The following AGFG2 variants were observed in gnomAD, a reference collection of about 807,000 sequenced individuals.
AGFG2 encodes ArfGAP with FG repeats 2.
AGFG2 carries 31 observed loss-of-function variants against 48.0 expected under a neutral mutation model. That is an observed-to-expected ratio of 0.65 (90% confidence interval 0.49 to 0.87). The LOEUF is 0.87. Among genes scored for constraint, AGFG2 ranks in the 40% least tolerant of loss-of-function variants. The probability of loss-of-function intolerance (pLI) is 0.00; values close to 1 mark genes in which losing one functional copy is unlikely to be tolerated. For synonymous variants in AGFG2, 229 were observed against 260.8 expected (o/e 0.88, Z 1.18); for missense variants, 599 against 632.6 (o/e 0.95, Z 0.57).
rs1266028993 is a variant in AGFG2 at position 100,553,329 on chromosome 7, A to G, written c.432-18A>G. 2.5e-6 allele frequency: 4 copies of G among 1,614,028 alleles called. No individual in the cohort carries two copies. The Admixed American group carries it at 5.0e-5, about 20-fold the overall frequency. ...AGTTTTATCCCTCTCTTTACAGCCT[A>G]ACTATTCTTTCTCAAAGGTATGTCC... is the stretch of plus-strand genomic sequence containing the variant. On this transcript the variant is annotated intron_variant, in intron 3 of 11. Transcript: ENST00000300176.
intron 1 of AGFG2, among the ~76,000 whole-genome samples, chr7:100,542,162 C>G (rs541571191): frequency 5.9e-5 from 9 of 152,086 alleles, no homozygotes; most frequent in Non-Finnish European, 1.2e-4. Flanking sequence ...ACTACAGGCA[C>G]GCGCTACCAC....
chr7:100,556,261 GTGAT>G (rs1175464983), intron 6 of AGFG2: 3 of 195,108 alleles, frequency 1.5e-5, no homozygotes, highest in African/African-American at 7.0e-5. Context: ...GCTGTAGTGA[GTGAT>G]TATTGTGCCA....
At chr7:100,558,953 T>C (rs1489764963) in intron 6 of AGFG2, among the ~76,000 whole-genome samples, 3 of 152,026 alleles carry the variant, frequency 2.0e-5, no homozygotes, top group Non-Finnish European at 4.4e-5. Flanking sequence ...CTGGCCTACA[T>C]GGTGAAACCC....
At chr7:100,563,744 C>T (rs1401036442) in intron 9 of AGFG2, 90 bp from the exon 10 acceptor site, 38 of 1,560,306 alleles carry the variant, frequency 2.4e-5, no homozygotes, top group East Asian at 2.2e-4. Flanking sequence ...AACTATATCC[C>T]ATTTTCCCAT....
chr7:100,562,670 C>T lies in AGFG2; in HGVS notation c.1075C>T (p.Leu359=), dbSNP rs770326644. ...CGGCGGCGGCGGCAGCAGCACAGGG[C>T]TGGCCTTTGGAGGTGAGTCCTGCCT... The part of the protein sequence containing the change: ...MGGGGGSSTG[L]AFGAFTNPFT... Residue 359 remains leucine, a synonymous_variant, in exon 8 of 12, where the codon CTG becomes TTG. Transcript: ENST00000300176. The surrounding 1 kb of genome is among the most constrained non-coding windows in gnomAD (Gnocchi z 5.4). 1 of 1,607,928 alleles carries T rather than the reference C, an allele frequency of 6.2e-7. No individual in the cohort carries two copies.
chr7:100,564,793 C>A lies in AGFG2; in HGVS notation c.1387-139C>A, dbSNP rs990445647. 6 of 951,354 alleles carry A rather than the reference C, an allele frequency of 6.3e-6. No individual in the cohort carries two copies. The African/African-American group carries it at 6.5e-5, about 10-fold the overall frequency. The allele number at this position is 951,354 out of a possible 1,614,324, so 58.9% of individuals were successfully genotyped here. A position where few individuals can be genotyped will look rare whatever the true frequency, so the allele number is the denominator to read the frequency against. The stretch of plus-strand genomic sequence containing the variant: ...GGCTGGGATTACAGGCATGAGCTAC[C>A]GTGCCTGGCCTTTTCTCCCTCACTT... On this transcript the variant is annotated intron_variant, in intron 11 of 11. Transcript: ENST00000300176.
At position 100,562,421 on chromosome 7, in the gene AGFG2, C is replaced by A; in HGVS notation, c.998+42C>A. The A allele has an allele frequency of 1.2e-6, 2 of 1,607,260 alleles. No homozygotes were observed. On this transcript the variant is annotated intron_variant, in intron 7 of 11. Coordinates refer to ENST00000300176, the MANE Select transcript of AGFG2 (RefSeq NM_006076.5). This position sits in a 1 kb window ranked among gnomAD's most constrained non-coding sequence, Gnocchi z 5.4. ...GGCAGTCTGCTGTAGGGCAGGAGAG[C>A]CGCCCGAAGCCTGGCCATGTTCCTC...
At chr7:100,549,019 C>G in intron 2 of AGFG2, 104 bp downstream of exon 2, 1 of 913,856 alleles carries the variant, frequency 1.1e-6, no homozygotes, top group South Asian at 1.5e-5. Flanking sequence ...GGTTGAGTTT[C>G]TCTTAATTTT....
chr7:100,540,899 C>A (rs563561903), intron 1 of AGFG2, among the ~76,000 whole-genome samples: 4 of 150,624 alleles, frequency 2.7e-5, no homozygotes, highest in African/African-American at 9.8e-5. Flanking sequence ...GTACTCCCAG[C>A]TACTTGGGAG....
rs747222708 is a variant in AGFG2 at position 100,563,957 on chromosome 7, A to C, written c.1295A>C (p.Gln432Pro). 3.1e-6 allele frequency: 5 copies of C among 1,607,048 alleles called. No homozygotes were observed. Among genetic ancestry groups the C allele is most frequent in the Non-Finnish European group, 3.4e-6 (4 of 1,179,992 alleles). Residue 432 changes from glutamine to proline, a missense_variant, in exon 10 of 12, where the codon CAG (glutamine) becomes CCG (proline). By Grantham distance (76) the Gln-to-Pro change is moderately conservative. Coordinates refer to ENST00000300176, the MANE Select transcript of AGFG2 (RefSeq NM_006076.5). Reference sequence around the variant, plus strand: ...CCGCAGACCCCGCTTGTTCAGCAGCAGAATGGTAAGAGCTGTAGATGGACA... The same window carrying C: ...CCGCAGACCCCGCTTGTTCAGCAGCCGAATGGTAAGAGCTGTAGATGGACA... ...FPPQTPLVQQ[Q>P]NGSSFGDLGS...
rs1368783458 is a variant in AGFG2, at chr7:100,550,379, C to T, written c.316-17C>T. ...CTGCTTTCTGCTCCCACTCCTCTGA[C>T]ACCTTCATTCTTTTAGGTTTGCCGG... On this transcript the variant is annotated splice_polypyrimidine_tract_variant and intron_variant, in intron 2 of 11. Transcript: ENST00000300176. 3 of 1,553,754 alleles carry T rather than the reference C, an allele frequency of 1.9e-6. No individual in the cohort carries two copies. Among genetic ancestry groups the T allele is most frequent in the East Asian group, 2.3e-5 (1 of 44,042 alleles).
At chr7:100,556,631 GTTA>G (rs1322436747) in intron 6 of AGFG2, 5 of 1,289,258 alleles carry the variant, frequency 3.9e-6, no homozygotes, top group South Asian at 3.7e-5. Flanking sequence ...GCTTTGGTAA[GTTA>G]TTATCCCCAC....
intron 5 of AGFG2, 95 bp from the exon 6 acceptor site, chr7:100,555,515 T>C (rs1800740976): frequency 7.2e-7 from 1 of 1,384,508 alleles, no homozygotes; most frequent in Admixed American, 1.9e-5. Context: ...TCAAGTGATC[T>C]GCCCACCTCG....
intron 9 of AGFG2, among the ~76,000 whole-genome samples, chr7:100,563,398 G>A (rs1313251846): frequency 2.0e-5 from 3 of 152,222 alleles, no homozygotes; most frequent in South Asian, 2.1e-4. Flanking sequence ...CTGAAGCCTT[G>A]AGGCTGGGGA....
At position 100,554,082 on chromosome 7, in the gene AGFG2, TCTC is replaced by T; in HGVS notation, c.586-6_586-4del. On this transcript the variant is annotated splice_region_variant and splice_polypyrimidine_tract_variant and intron_variant, in intron 4 of 11. Transcript: ENST00000300176. ...GATTCTAAGGGCTGTATGCATTCCT[TCTC>T]CTCCAAGCCCGTCAGTCAGTCTCAC... 1 of 1,610,094 alleles carries T rather than the reference TCTC, an allele frequency of 6.2e-7. No homozygotes were observed. Among genetic ancestry groups the T allele is most frequent in the South Asian group, 1.1e-5 (1 of 90,572 alleles).
intron 9 of AGFG2, 78 bp downstream of exon 9, chr7:100,563,024 A>C: frequency 1.5e-6 from 2 of 1,368,860 alleles, no homozygotes; most frequent in East Asian, 2.5e-5. Flanking sequence ...CTCTCCCTTA[A>C]CCCTTTGTCT....
Position 100,539,394 on chromosome 7 carries a change from C to G in AGFG2, c.48C>G (p.Ser16Arg). Residue 16 changes from serine (S) to arginine (R), a missense_variant, in exon 1 of 12, where the codon AGC becomes AGG. Physicochemically the swap from Ser to Arg is moderately radical, Grantham distance 110. Coordinates refer to ENST00000300176, the MANE Select transcript of AGFG2 (RefSeq NM_006076.5). ...GCCCGGGCCCGGGCGGCGGGGTCAG[C>G]GGGGGCAAGGCGGAGGCGGAGGCGG... ...KKGPGPGGGV[S>R]GGKAEAEAAS... 1.5e-6 allele frequency: 2 copies of G among 1,297,078 alleles called. No homozygotes were observed. Among genetic ancestry groups the G allele is most frequent in the Non-Finnish European group, 9.8e-7 (1 of 1,019,062 alleles). The allele number at this position is 1,297,078 out of a possible 1,614,324, so 80.3% of individuals were successfully genotyped here.
rs970260181 is a variant in AGFG2 at position 100,565,191 on chromosome 7, C to A, written c.*200C>A. Reference sequence around the variant, plus strand: ...TCTCCCCTCCCTCGTCCCACCCCCACCCAGGCAGGAAGCCCAGGAGGAGTG... The same window carrying A: ...TCTCCCCTCCCTCGTCCCACCCCCAACCAGGCAGGAAGCCCAGGAGGAGTG... On this transcript the variant is annotated 3_prime_UTR_variant, in exon 12 of 12. Transcript: ENST00000300176. The A allele has an allele frequency of 1.1e-5, 7 of 637,732 alleles. No homozygotes were observed. Among genetic ancestry groups the A allele is most frequent in the Non-Finnish European group, 1.6e-5 (6 of 364,438 alleles). The allele number at this position is 637,732 out of a possible 1,614,324, so 39.5% of individuals were successfully genotyped here.
rs377416993 is a variant in AGFG2, at chr7:100,565,123, C to T, written c.*132C>T. The T allele has an allele frequency of 5.7e-6, 6 of 1,056,108 alleles. No homozygotes were observed. The African/African-American group carries it at 9.5e-5, about 17-fold the overall frequency. 65.4% of individuals were successfully genotyped at this position (1,056,108 alleles called of 1,614,324 possible). A position where few individuals can be genotyped will look rare whatever the true frequency, so the allele number is the denominator to read the frequency against. ...GGAGGTGCTAATGCTTTGCTTGGGG[C>T]CTACAGGTGAAAGGTGGCTGCCCTC... On this transcript the variant is annotated 3_prime_UTR_variant, in exon 12 of 12. Transcript: ENST00000300176.
Sources: allele counts gnomAD v4.1 joint callset (sites outside exome capture counted in the v4.1 genomes callset), GRCh38; gene constraint gnomAD v4.1.1; non-coding constraint Gnocchi (gnomAD v3.1); transcripts MANE v1.5; gene names NCBI Gene and HGNC (gene_info 2026-07-23, HGNC 2026-07-21).